The following LRRC7 variants were observed in gnomAD, a reference collection of about 807,000 sequenced individuals.
The protein encoded by LRRC7 is leucine-rich repeat-containing protein 7.
LRRC7 carries 23 observed loss-of-function variants against 175.7 expected under a neutral mutation model. That is an observed-to-expected ratio of 0.13 (90% CI 0.09 to 0.19). The LOEUF (loss-of-function observed/expected upper bound fraction) is 0.19. LRRC7 is among the 10% of genes least tolerant of loss of function. The pLI is 1.00. For missense variants in LRRC7, 1,354 were observed against 1,904.7 expected, an observed-to-expected ratio of 0.71 and a Z score of 5.38; for synonymous variants, 685 against 680.9, an observed-to-expected ratio of 1.01 and a Z score of -0.09.
At chr1:70,072,937 TGG>T (rs1373494939) in intron 23 of LRRC7, among the ~76,000 whole-genome samples, 1 of 152,096 alleles carries the variant, frequency 6.6e-6, no homozygotes, top group Non-Finnish European at 1.5e-5. Flanking sequence ...CTAATGAGGG[TGG>T]GTGTCAATTT....
intron 1 of LRRC7, among the ~76,000 whole-genome samples, chr1:69,620,868 A>G (rs1650455495): frequency 1.3e-5 from 2 of 152,146 alleles, no homozygotes. Context: ...TATTACTTAA[A>G]GTAATACTCA....
intron 7 of LRRC7, among the ~76,000 whole-genome samples, chr1:69,876,125 A>G (rs1176793509): frequency 1.3e-5 from 2 of 152,260 alleles, no homozygotes; most frequent in Non-Finnish European, 1.5e-5. Flanking sequence ...ATATGCCCGT[A>G]TATTTCTCAG....
In LRRC7 at chr1:69,675,750, A is replaced by G. The variant is rs1007086707; in HGVS notation, c.3-2631A>G. On this transcript the variant is annotated intron_variant, in intron 1 of 26. Coordinates refer to ENST00000651989, the MANE Select transcript of LRRC7 (RefSeq NM_001370785.2). ...GTTCGCATAGCTAATCTTCATGATG[A>G]AACTGCAGGGACAGACCTAGAAGCT... 2.0e-5 allele frequency among the ~76,000 whole-genome samples: 3 copies of G among 152,254 alleles called. No homozygotes were observed. The East Asian group carries it at 5.8e-4, about 29-fold the overall frequency.
intron 7 of LRRC7, among the ~76,000 whole-genome samples, chr1:69,842,431 A>T (rs922870530): frequency 6.6e-6 from 1 of 152,146 alleles, no homozygotes; most frequent in Admixed American, 6.6e-5. Flanking sequence ...TTACGAAACT[A>T]TGAAGTAATA....
chr1:69,666,529 A>G (rs1658298350), intron 1 of LRRC7, among the ~76,000 whole-genome samples: 2 of 152,058 alleles, frequency 1.3e-5, no homozygotes, highest in African/African-American at 2.4e-5. Context: ...GGATTTCTTC[A>G]TGGTTCGATC....
chr1:69,612,940 C>T (rs963403558), intron 1 of LRRC7, among the ~76,000 whole-genome samples: 1 of 152,076 alleles, frequency 6.6e-6, no homozygotes. Context: ...CCATTACAAG[C>T]TCTCGACACA....
intron 7 of LRRC7, among the ~76,000 whole-genome samples, chr1:69,918,068 A>G (rs1646773187): frequency 6.6e-6 from 1 of 152,178 alleles, no homozygotes; most frequent in South Asian, 2.1e-4. Flanking sequence ...GTGTTCCTAT[A>G]GCAATCTATC....
intron 3 of LRRC7, among the ~76,000 whole-genome samples, chr1:69,769,771 T>C (rs1027937244): frequency 3.3e-5 from 5 of 152,208 alleles, no homozygotes; most frequent in African/African-American, 9.6e-5. Context: ...TTGTTTTGCA[T>C]ATTTAAAATA....
intron 7 of LRRC7, among the ~76,000 whole-genome samples, chr1:69,853,758 G>C (rs1477392425): frequency 2.0e-5 from 3 of 152,168 alleles, no homozygotes; most frequent in African/African-American, 7.2e-5. Context: ...TAGGGAAGCA[G>C]ACAGCTTTTT....
intron 8 of LRRC7, among the ~76,000 whole-genome samples, chr1:69,948,175 T>C (rs1300907145): frequency 6.6e-6 from 1 of 152,172 alleles, no homozygotes; most frequent in African/African-American, 2.4e-5. Flanking sequence ...GAATTTTCCA[T>C]TTAATATTTT....
chr1:69,672,256 A>T (rs2421108), intron 1 of LRRC7, among the ~76,000 whole-genome samples: 76,658 of 134,658 alleles, frequency 0.57, 19,793 homozygotes, highest in African/African-American at 0.63. Context: ...ACATTTTTTT[A>T]AAAAAATTGT....
chr1:70,101,249 A>G (rs571037746), intron 25 of LRRC7, among the ~76,000 whole-genome samples: 16 of 152,332 alleles, frequency 1.1e-4, no homozygotes, highest in African/African-American at 3.8e-4. Flanking sequence ...ATATGAAAGC[A>G]TAAAATGCTA....
At chr1:70,053,190 A>G (rs746264028) in intron 23 of LRRC7, 45 bp downstream of exon 23, 9 of 1,492,728 alleles carry the variant, frequency 6.0e-6, no homozygotes, top group African/African-American at 1.4e-5. Context: ...ACCTTGCACA[A>G]TCTACTGCAA....
chr1:69,664,694 C>T (rs1347167855), intron 1 of LRRC7, among the ~76,000 whole-genome samples: 2 of 152,138 alleles, frequency 1.3e-5, no homozygotes, highest in Non-Finnish European at 2.9e-5. Flanking sequence ...ATTATATAAT[C>T]TGGTTATTAA....
intron 1 of LRRC7, among the ~76,000 whole-genome samples, chr1:69,583,662 AC>A (rs1646287246): frequency 6.6e-6 from 1 of 152,038 alleles, no homozygotes; most frequent in South Asian, 2.1e-4. Context: ...AAAACAACTT[AC>A]CCCCAATTGG....
At chr1:69,902,792 T>A (rs1218031672) in intron 7 of LRRC7, among the ~76,000 whole-genome samples, 1 of 152,170 alleles carries the variant, frequency 6.6e-6, no homozygotes, top group Non-Finnish European at 1.5e-5. Context: ...GAAACATACT[T>A]TTTTATGAGA....
rs184409249 is a variant in LRRC7 at position 69,659,746 on chromosome 1, G to A, written c.3-18635G>A. 9.3e-5 allele frequency among the ~76,000 whole-genome samples: 3 copies of A among 32,372 alleles called. No homozygotes were observed. The East Asian group carries it at 2.6e-3, about 28-fold the overall frequency. The allele number at this position is 32,372 out of a possible 152,430, so 21.2% of individuals were successfully genotyped here. ...AATTCTAAAGGATGAAGTTCAGAAA[G>A]AAGGAAGATAATCAAAAGCACTACA... is the stretch of plus-strand genomic sequence containing the variant. On this transcript the variant is annotated intron_variant, in intron 1 of 26. Coordinates refer to ENST00000651989, the MANE Select transcript of LRRC7 (RefSeq NM_001370785.2).
chr1:69,605,959 A>T (rs1281526742), intron 1 of LRRC7, among the ~76,000 whole-genome samples: 1 of 152,186 alleles, frequency 6.6e-6, no homozygotes, highest in Non-Finnish European at 1.5e-5. Flanking sequence ...GAGTAATATT[A>T]TCTAAAAAAC....
chr1:69,973,424 A>G (rs1468650781), intron 8 of LRRC7, among the ~76,000 whole-genome samples: 1 of 152,186 alleles, frequency 6.6e-6, no homozygotes, highest in Non-Finnish European at 1.5e-5. Flanking sequence ...GTTCCCCAAT[A>G]ACCTATGGAA....
Sources: gnomAD v4.1 joint callset for allele counts (sites outside exome capture counted in the v4.1 genomes callset) on GRCh38, gnomAD v4.1.1 for gene constraint, MANE v1.5 for transcripts, NCBI Gene and HGNC (gene_info 2026-07-23, HGNC 2026-07-21) for gene names.